Variants in ZNF385D observed in about 807,000 individuals in gnomAD.
The protein encoded by ZNF385D is zinc finger protein 659.
Under a neutral mutation model 35.8 loss-of-function variants are expected in ZNF385D, and 15 were observed. The observed-to-expected ratio is 0.42, with a 90% CI of 0.28 to 0.64. ZNF385D has a LOEUF of 0.64. ZNF385D is among the 30% of genes least tolerant of loss of function. The pLI is 0.23. For synonymous variants in ZNF385D, 212 were observed against 186.8 expected, an observed-to-expected ratio of 1.13 and a Z score of -1.10; for missense variants, 474 against 494.6, an observed-to-expected ratio of 0.96 and a Z score of 0.39.
At chr3:22,320,071 T>G (rs746639874) in intron 2 of ZNF385D, among the ~76,000 whole-genome samples, 9 of 152,006 alleles carry the variant, frequency 5.9e-5, no homozygotes, top group Non-Finnish European at 1.3e-4. Flanking sequence ...TTTTTTTTTT[T>G]TAAGGAGTAC....
intron 3 of ZNF385D, among the ~76,000 whole-genome samples, chr3:22,151,274 A>C (rs1040104822): frequency 6.6e-5 from 10 of 152,176 alleles, no homozygotes; most frequent in Non-Finnish European, 1.5e-4. Context: ...CTGGCAGCTA[A>C]ACAAGACTTA....
intron 2 of ZNF385D, among the ~76,000 whole-genome samples, chr3:22,182,711 T>C (rs1190279165): frequency 4.6e-5 from 7 of 152,126 alleles, no homozygotes; most frequent in Admixed American, 4.6e-4. Context: ...TGAAAGATTG[T>C]TTAATAAGTT....
intron 2 of ZNF385D, among the ~76,000 whole-genome samples, chr3:21,628,563 T>G (rs2065197390): frequency 6.6e-6 from 1 of 152,152 alleles, no homozygotes; most frequent in East Asian, 1.9e-4. Context: ...TCTCCAGGTC[T>G]TGATTTACTC....
intron 4 of ZNF385D, among the ~76,000 whole-genome samples, chr3:21,483,200 A>G (rs543191125): frequency 1.4e-4 from 22 of 152,172 alleles, no homozygotes; most frequent in African/African-American, 5.1e-4. Flanking sequence ...TATGTCTTCA[A>G]TGTAATTTGG....
At chr3:21,697,671 T>C (rs7629766) in intron 1 of ZNF385D, among the ~76,000 whole-genome samples, 145,600 of 152,218 alleles carry the variant, frequency 0.96, 69,764 homozygotes, top group African/African-American at 0.98. Flanking sequence ...AAGCAGACAA[T>C]CTACAGAACG....
chr3:22,012,456 C>A (rs576980231), intron 3 of ZNF385D, among the ~76,000 whole-genome samples: 1 of 152,178 alleles, frequency 6.6e-6, no homozygotes, highest in South Asian at 2.1e-4. Context: ...TTTCTCTCTC[C>A]CTCCCTCTGT....
chr3:21,964,926 G>C (rs1334387233), intron 3 of ZNF385D, among the ~76,000 whole-genome samples: 1 of 152,130 alleles, frequency 6.6e-6, no homozygotes, highest in South Asian at 2.1e-4. Context: ...CTGAACATAG[G>C]AAGATGCATA....
chr3:21,881,431 T>C (rs1388168235), intron 3 of ZNF385D, among the ~76,000 whole-genome samples: 2 of 151,978 alleles, frequency 1.3e-5, no homozygotes, highest in African/African-American at 4.8e-5. Flanking sequence ...TGACAGCACA[T>C]CTGTTTACAT....
At chr3:22,147,645 G>A (rs543418981) in intron 3 of ZNF385D, among the ~76,000 whole-genome samples, 17 of 152,178 alleles carry the variant, frequency 1.1e-4, no homozygotes, top group East Asian at 5.8e-4. Flanking sequence ...AACACCACTC[G>A]GAAAAAGATA....
chr3:22,068,737 G>A (rs1442928425), intron 3 of ZNF385D, among the ~76,000 whole-genome samples: 1 of 152,040 alleles, frequency 6.6e-6, no homozygotes, highest in African/African-American at 2.4e-5. Context: ...AACCCTGATT[G>A]AACTCTGACT....
At chr3:22,344,251 G>C (rs1418080784) in intron 2 of ZNF385D, among the ~76,000 whole-genome samples, 1 of 151,372 alleles carries the variant, frequency 6.6e-6, no homozygotes, top group African/African-American at 2.4e-5. Context: ...GAAAAGAAAG[G>C]TTTTGGAGTC....
At chr3:21,472,815 T>C (rs1030121802) in intron 4 of ZNF385D, among the ~76,000 whole-genome samples, 2 of 152,082 alleles carry the variant, frequency 1.3e-5, no homozygotes, top group African/African-American at 4.8e-5. Flanking sequence ...TGTATGCAAC[T>C]TCTTTGTTTT....
At chr3:22,035,759 T>G (rs142221953) in intron 3 of ZNF385D, among the ~76,000 whole-genome samples, 2 of 152,286 alleles carry the variant, frequency 1.3e-5, no homozygotes, top group East Asian at 1.9e-4. Flanking sequence ...CTGTGGTTCA[T>G]TCTAAGATGC....
chr3:22,316,848 A>G (rs1000692602), intron 2 of ZNF385D, among the ~76,000 whole-genome samples: 1 of 152,152 alleles, frequency 6.6e-6, no homozygotes, highest in Non-Finnish European at 1.5e-5. Flanking sequence ...GCATTTTGAC[A>G]TGCTGAGAAT....
chr3:21,755,039 G>A (rs1466868717), upstream of ZNF385D, among the ~76,000 whole-genome samples: 1 of 152,188 alleles, frequency 6.6e-6, no homozygotes, highest in Non-Finnish European at 1.5e-5. Context: ...CAGTACAGAT[G>A]CCAGATGGTA....
intron 3 of ZNF385D, among the ~76,000 whole-genome samples, chr3:22,021,576 G>T (rs995293363): frequency 2.6e-5 from 4 of 152,030 alleles, no homozygotes; most frequent in African/African-American, 9.7e-5. Flanking sequence ...ATATACTTTT[G>T]TGAGGACTGA....
intron 3 of ZNF385D, among the ~76,000 whole-genome samples, chr3:21,872,114 C>G (rs2630810): frequency 0.24 from 36,946 of 151,968 alleles, 4,710 homozygotes; most frequent in Middle Eastern, 0.42. Context: ...TATTTAAGGT[C>G]TTCATTTGTA....
intron 2 of ZNF385D, among the ~76,000 whole-genome samples, chr3:22,235,964 C>G (rs930513019): frequency 2.0e-5 from 3 of 152,070 alleles, no homozygotes; most frequent in African/African-American, 7.2e-5. Context: ...AGTTCCATTT[C>G]TACAAATTTC....
chr3:21,422,873 C>G (rs1700809177), intron 7 of ZNF385D, among the ~76,000 whole-genome samples: 1 of 152,158 alleles, frequency 6.6e-6, no homozygotes, highest in Non-Finnish European at 1.5e-5. Flanking sequence ...AAACCCACAA[C>G]CAACATCATA....
Sources: gnomAD v4.1 joint callset for allele counts (sites outside exome capture counted in the v4.1 genomes callset) on GRCh38, gnomAD v4.1.1 for gene constraint, MANE v1.5 for transcripts, NCBI Gene and HGNC (gene_info 2026-07-23, HGNC 2026-07-21) for gene names.